Variants in ZNF251 observed in about 807,000 individuals in gnomAD.
ZNF251 encodes the protein zinc finger protein 251.
ZNF251 carries 14 observed loss-of-function variants against 13.5 expected under a neutral mutation model. The ratio of observed to expected loss-of-function variants is 1.04; its 90% CI spans 0.69 to 1.63. ZNF251 has a LOEUF of 1.63. ZNF251 is among the 40% of genes most tolerant of loss of function. The pLI, the probability that ZNF251 is intolerant of heterozygous loss-of-function variation, is 0.00. For missense variants in ZNF251, 764 were observed against 834.9 expected (o/e 0.92, Z 1.05); for synonymous variants, 287 against 295.2 (o/e 0.97, Z 0.28).
At chr8:144,738,935 G>C (rs56227941) in intron 4 of ZNF251, among the ~76,000 whole-genome samples, 8,077 of 152,070 alleles carry the variant, frequency 0.053, 345 homozygotes, top group Non-Finnish European at 0.073. Context: ...ATAAATGCAG[G>C]GTGACACTTG....
intron 4 of ZNF251, chr8:144,729,924 G>A (rs1823643594): frequency 2.0e-6 from 1 of 508,640 alleles, no homozygotes; most frequent in Non-Finnish European, 2.5e-6. Context: ...TGTTTTTTGT[G>A]ACTACTCAGA....
At chr8:144,739,083 A>G (rs1202044149) in intron 4 of ZNF251, among the ~76,000 whole-genome samples, 2 of 151,794 alleles carry the variant, frequency 1.3e-5, no homozygotes, top group African/African-American at 4.8e-5. Context: ...CTCCAACTTC[A>G]ACACCGAGAA....
intron 4 of ZNF251, among the ~76,000 whole-genome samples, chr8:144,735,387 A>G (rs1823850627): frequency 6.6e-6 from 1 of 150,982 alleles, no homozygotes; most frequent in African/African-American, 2.4e-5. Context: ...GTCTCAAAAA[A>G]AAAAAAAAAA....
intron 4 of ZNF251, among the ~76,000 whole-genome samples, chr8:144,733,646 TCCACCCATACCCTG>T (rs1024868216): frequency 1.3e-5 from 2 of 152,160 alleles, no homozygotes; most frequent in Non-Finnish European, 2.9e-5. Flanking sequence ...CATCTGGGCT[TCCACCCATACCCTG>T]GAACCCAGGA....
At chr8:144,739,096 C>G (rs922112312) in intron 4 of ZNF251, among the ~76,000 whole-genome samples, 26 of 152,032 alleles carry the variant, frequency 1.7e-4, no homozygotes, top group Admixed American at 7.2e-4. Flanking sequence ...ACCGAGAACA[C>G]AGACCCTCCC....
chr8:144,721,756 G>A lies in ZNF251; in HGVS notation c.1904C>T (p.Ser635Leu). The A allele has an allele frequency of 6.9e-7, 1 of 1,444,992 alleles. No individual in the cohort carries two copies. Among genetic ancestry groups the A allele is most frequent in the Non-Finnish European group, 9.1e-7 (1 of 1,095,894 alleles). 89.5% of individuals were successfully genotyped at this position (1,444,992 alleles called of 1,614,324 possible). Residue 635 changes from serine to leucine, a missense_variant, in exon 5 of 5, where the codon TCA (serine) becomes TTA (leucine). By Grantham distance (145) the Ser-to-Leu change is moderately radical. Transcript: ENST00000292562. ...SVYGKAFSQSSQLTPPQQTRV... is the reference protein window; with the variant it reads ...SVYGKAFSQSLQLTPPQQTRV... The stretch of plus-strand genomic sequence containing the variant: ...AGTCTGCTGAGGTGGTGTGAGCTGT[G>A]AACTCTGGCTGAAGGCTTTCCCATA...
At chr8:144,729,437 C>A (rs1016221750) in intron 4 of ZNF251, among the ~76,000 whole-genome samples, 2 of 150,556 alleles carry the variant, frequency 1.3e-5, no homozygotes, top group African/African-American at 4.9e-5. Context: ...CCCGGGTTCA[C>A]GCCATTCTCC....
At position 144,754,272 on chromosome 8, in the gene ZNF251, T is replaced by A; in HGVS notation, c.83A>T (p.Glu28Val). Residue 28 changes from glutamate to valine, a missense_variant, in exon 3 of 5, where the codon GAG becomes GTG. Glu to Val is a moderately radical substitution (Grantham distance 121). Transcript: ENST00000292562. ...QDVAVYFSQA[E>V]GRQLGPQQRA... ...CTGCTGGGGGCCCAGCTGCCGCCCC[T>A]CCGCCTGAGAGAAGTACACGGCCAC... The A allele has an allele frequency of 6.2e-7, 1 of 1,613,362 alleles. No individual in the cohort carries two copies. The highest frequency in any genetic ancestry group is 1.6e-4 in the Middle Eastern group (1 of 6,062).
chr8:144,740,583 C>T (rs1432805566), intron 4 of ZNF251, among the ~76,000 whole-genome samples: 2 of 151,028 alleles, frequency 1.3e-5, no homozygotes, highest in Non-Finnish European at 2.9e-5. Context: ...TTGCACTGAG[C>T]CAAGATGGCA....
At chr8:144,727,326 C>T (rs890935420) in intron 4 of ZNF251, among the ~76,000 whole-genome samples, 5 of 152,196 alleles carry the variant, frequency 3.3e-5, no homozygotes, top group Non-Finnish European at 7.3e-5. Context: ...TCCTTTGAAG[C>T]TTTGAAGCCA....
Position 144,755,529 on chromosome 8 carries a change from G to C in ZNF251, c.-200C>G. 1 of 1,284,772 alleles carries C rather than the reference G, an allele frequency of 7.8e-7. No homozygotes were observed. Among genetic ancestry groups the C allele is most frequent in the Non-Finnish European group, 1.0e-6 (1 of 987,482 alleles). 79.6% of individuals were successfully genotyped at this position (1,284,772 alleles called of 1,614,324 possible). A position where few individuals can be genotyped will look rare whatever the true frequency, so the allele number is the denominator to read the frequency against. On this transcript the variant is annotated 5_prime_UTR_variant, in exon 1 of 5. Transcript: ENST00000292562. The stretch of plus-strand genomic sequence containing the variant: ...CGGGGAGGGGGCGGGCTAGGATGAA[G>C]AGGGCGGGCCGGGCCGAGCTGCGCA...
chr8:144,732,533 C>G (rs939973587), intron 4 of ZNF251, among the ~76,000 whole-genome samples: 3 of 152,178 alleles, frequency 2.0e-5, no homozygotes, highest in African/African-American at 7.2e-5. Context: ...CTGAGCCAAG[C>G]CGGGCGCGGT....
intron 4 of ZNF251, among the ~76,000 whole-genome samples, chr8:144,732,642 C>G (rs1823741518): frequency 6.6e-6 from 1 of 151,530 alleles, no homozygotes; most frequent in South Asian, 2.1e-4. Flanking sequence ...GAAACCCCGT[C>G]TCTACTAAAA....
At chr8:144,740,279 C>T (rs190473370) in intron 4 of ZNF251, among the ~76,000 whole-genome samples, 2 of 150,052 alleles carry the variant, frequency 1.3e-5, no homozygotes, top group African/African-American at 4.9e-5. Context: ...GAGTGAAACT[C>T]CGTCTCAAAA....
Position 144,722,775 on chromosome 8 carries a change from ACAGC to A in ZNF251, c.881_884del (p.Gly294ValfsTer42). ...GACTGAAAGCCTTCCCACACTCACC[ACAGC>A]CAAAGGGTTTTTCTCCAGTGTGAAT... is the stretch of plus-strand genomic sequence containing the variant. On this transcript the variant is annotated frameshift_variant, in exon 5 of 5. Coordinates refer to ENST00000292562, the MANE Select transcript of ZNF251 (RefSeq NM_138367.2). LOFTEE classifies it low-confidence loss of function (END_TRUNC). The surrounding 1 kb of genome is among the most constrained non-coding windows in gnomAD (Gnocchi z 4.8). 1 of 1,614,086 alleles carries A rather than the reference ACAGC, an allele frequency of 6.2e-7. No individual in the cohort carries two copies. The highest frequency in any genetic ancestry group is 8.5e-7 in the Non-Finnish European group (1 of 1,179,942).
chr8:144,750,829 C>T (rs983783670), intron 4 of ZNF251, among the ~76,000 whole-genome samples: 2 of 149,280 alleles, frequency 1.3e-5, no homozygotes. Flanking sequence ...TTGTATCTGC[C>T]TGTTTATCTC....
chr8:144,722,837 C>T lies in ZNF251; in HGVS notation c.823G>A (p.Gly275Arg). The change falls in exon 5 of 5, where the codon GGA becomes AGA. Residue 275 changes from glycine to arginine, a missense_variant. By Grantham distance (125) the Gly-to-Arg change is moderately radical. Coordinates refer to ENST00000292562, the MANE Select transcript of ZNF251 (RefSeq NM_138367.2). The surrounding 1 kb of genome is among the most constrained non-coding windows in gnomAD (Gnocchi z 4.8). ...FKCDECGKTF[G>R]LNSHLRLHRR... is the part of the protein sequence containing the mutation. ...TGAAGACGGAGGTGAGAATTGAGTC[C>T]AAAAGTTTTCCCACATTCATCACAT... is the stretch of plus-strand genomic sequence containing the variant. 1 of 1,613,938 alleles carries T rather than the reference C, an allele frequency of 6.2e-7. No homozygotes were observed. The highest frequency in any genetic ancestry group is 1.7e-5 in the Admixed American group (1 of 60,014).
chr8:144,742,955 A>G (rs924396791), intron 4 of ZNF251, among the ~76,000 whole-genome samples: 4 of 152,208 alleles, frequency 2.6e-5, no homozygotes, highest in African/African-American at 9.6e-5. Flanking sequence ...GTTCAAACCC[A>G]TGTTGTTCAA....
At chr8:144,735,603 C>T (rs988173440) in intron 4 of ZNF251, among the ~76,000 whole-genome samples, 8 of 152,036 alleles carry the variant, frequency 5.3e-5, no homozygotes, top group Non-Finnish European at 1.2e-4. Context: ...GACGAGGTCA[C>T]GGAAGCCTCA....
Sources: allele counts gnomAD v4.1 joint callset (sites outside exome capture counted in the v4.1 genomes callset), GRCh38; gene constraint gnomAD v4.1.1; non-coding constraint Gnocchi (gnomAD v3.1); transcripts MANE v1.5; gene names NCBI Gene and HGNC (gene_info 2026-07-23, HGNC 2026-07-21).